Variants in FHAD1 observed in about 807,000 individuals in gnomAD.
FHAD1 encodes forkhead-associated domain-containing protein 1.
A neutral mutation model predicts 191.3 loss-of-function variants in FHAD1; 146 were observed. The observed-to-expected ratio is 0.76, with a 90% confidence interval of 0.67 to 0.88. The LOEUF is 0.88. Ranked by LOEUF, FHAD1 falls within the 40% of genes least tolerant of loss-of-function variation. The pLI, the probability that FHAD1 is intolerant of heterozygous loss-of-function variation, is 0.00. For synonymous variants in FHAD1, 616 were observed against 672.3 expected, an observed-to-expected ratio of 0.92 and a Z score of 1.29; for missense variants, 1,635 against 1,785.8, an observed-to-expected ratio of 0.92 and a Z score of 1.52.
rs753958413 is a variant in FHAD1, at chr1:15,325,009, G to A, written c.1473+450G>A. The A allele has an allele frequency of 2.3e-5, 4 of 171,256 alleles. No individual in the cohort carries two copies. The highest frequency in any genetic ancestry group is 1.5e-4 in the South Asian group (1 of 6,786). The allele number at this position is 171,256 out of a possible 1,614,324, so 10.6% of individuals were successfully genotyped here. On this transcript the variant is annotated intron_variant, in intron 11 of 33. Transcript: ENST00000688493. The surrounding 1 kb of genome is among the most constrained non-coding windows in gnomAD (Gnocchi z 4.6). ...TAAAACCCTGGAGTGTCCAAAGTGC[G>A]TGCTGGATGGAGAAGCTCCCGGCTG...
intron 3 of FHAD1, among the ~76,000 whole-genome samples, chr1:15,279,047 A>C (rs542716486): frequency 6.6e-6 from 1 of 152,234 alleles, no homozygotes; most frequent in South Asian, 2.1e-4. Context: ...ATTTGTTCCA[A>C]ATTTCTCCAC....
At chr1:15,375,326 G>A (rs955972595) in intron 27 of FHAD1, among the ~76,000 whole-genome samples, 1 of 152,114 alleles carries the variant, frequency 6.6e-6, no homozygotes, top group Non-Finnish European at 1.5e-5. Flanking sequence ...TGGAAGCCTG[G>A]GTTCAAGTTC....
Position 15,247,320 on chromosome 1 carries a change from C to T in FHAD1, c.-90C>T. The T allele has an allele frequency of 4.5e-6, 1 of 221,870 alleles. No homozygotes were observed. Among genetic ancestry groups the T allele is most frequent in the South Asian group, 3.7e-5 (1 of 26,902 alleles). 13.7% of individuals were successfully genotyped at this position (221,870 alleles called of 1,614,324 possible). A position where few individuals can be genotyped will look rare whatever the true frequency, so the allele number is the denominator to read the frequency against. On this transcript the variant is annotated 5_prime_UTR_variant, in exon 1 of 34. Coordinates refer to ENST00000688493, the MANE Select transcript of FHAD1 (RefSeq NM_001391957.1). ...GGAGCGCGGCCGGGAGGCTTCGCCC[C>T]GGAGCTGGCCCGACGCCTCCCGAGC...
chr1:15,264,867 G>C (rs1264972913), intron 2 of FHAD1, among the ~76,000 whole-genome samples: 1 of 151,700 alleles, frequency 6.6e-6, no homozygotes, highest in Non-Finnish European at 1.5e-5. Context: ...GTATTTTTTT[G>C]TGTTTTCATC....
Position 15,352,795 on chromosome 1 carries a change from C to T in FHAD1, c.2455-82C>T, listed in dbSNP as rs149179704. The T allele has an allele frequency of 2.5e-4, 258 of 1,033,378 alleles. 1 individual carries two copies. In the East Asian group the frequency reaches 5.6e-3, roughly 22 times the overall value. 64.0% of individuals were successfully genotyped at this position (1,033,378 alleles called of 1,614,324 possible). On this transcript the variant is annotated intron_variant, in intron 19 of 33. Transcript: ENST00000688493. Reference sequence around the variant, plus strand: ...TCCAACCCTGACTTGGTGGCTTCCACGGTGACTCGTCCTGGTTTCCCTTTC... The same window carrying T: ...TCCAACCCTGACTTGGTGGCTTCCATGGTGACTCGTCCTGGTTTCCCTTTC...
chr1:15,367,890 C>A (rs1296962475), intron 25 of FHAD1, among the ~76,000 whole-genome samples: 1 of 152,182 alleles, frequency 6.6e-6, no homozygotes, highest in Admixed American at 6.5e-5. Flanking sequence ...TGTGCTTGGG[C>A]TCCCTCAGCC....
At chr1:15,348,554 G>A (rs927388082) in intron 18 of FHAD1, among the ~76,000 whole-genome samples, 18 of 152,264 alleles carry the variant, frequency 1.2e-4, no homozygotes, top group South Asian at 4.1e-4. Flanking sequence ...TTGGTGTATC[G>A]TGGCTCATTA....
chr1:15,360,672 C>T lies in FHAD1; in HGVS notation c.2931C>T (p.Gly977=), dbSNP rs767044949. 21 of 1,551,538 alleles carry T rather than the reference C, an allele frequency of 1.4e-5. No homozygotes were observed. Among genetic ancestry groups the T allele is most frequent in the African/African-American group, 2.7e-5 (2 of 72,986 alleles). ...CTCAGCACCATAAAAAAATAGAAGG[C>T]GAGATTGCAACATTGAAGGACAATG... is the stretch of plus-strand genomic sequence containing the variant. ...KVTQHHKKIE[G]EIATLKDNDP... Residue 977 remains glycine (G), a synonymous_variant, in exon 22 of 34, where the codon GGC becomes GGT. Coordinates refer to ENST00000688493, the MANE Select transcript of FHAD1 (RefSeq NM_001391957.1).
chr1:15,258,851 G>T (rs1300666779), intron 2 of FHAD1, among the ~76,000 whole-genome samples: 2 of 152,070 alleles, frequency 1.3e-5, no homozygotes, highest in Non-Finnish European at 2.9e-5. Flanking sequence ...GCCTCCTAAA[G>T]TGCTGTAATT....
At chr1:15,375,032 T>C (rs2102898367) in intron 27 of FHAD1, among the ~76,000 whole-genome samples, 1 of 151,870 alleles carries the variant, frequency 6.6e-6, no homozygotes, top group South Asian at 2.1e-4. Flanking sequence ...CCAATTTTTA[T>C]ATTTTAGTAG....
At chr1:15,271,140 G>A (rs1367333991) in intron 2 of FHAD1, among the ~76,000 whole-genome samples, 1,099 of 76,672 alleles carry the variant, frequency 0.014, 112 homozygotes, top group East Asian at 0.053. Flanking sequence ...CTCCATCTCG[G>A]AAAAAAAAAA....
chr1:15,263,677 A>G lies in FHAD1; in HGVS notation c.94-8646A>G, dbSNP rs1315000465. On this transcript the variant is annotated intron_variant, in intron 2 of 33. Transcript: ENST00000688493. ...GCTGGGACTACAGGCACCTGCCACCACGCCCAACTAATTTTTTGTATTTTT... is the reference window on the plus strand; with the variant it reads ...GCTGGGACTACAGGCACCTGCCACCGCGCCCAACTAATTTTTTGTATTTTT... Among the ~76,000 whole-genome samples, 5 of 151,398 alleles carry G rather than the reference A, an allele frequency of 3.3e-5. No individual in the cohort carries two copies. The East Asian group carries it at 9.7e-4, about 29-fold the overall frequency.
intron 19 of FHAD1, among the ~76,000 whole-genome samples, chr1:15,349,621 C>A (rs1244790349): frequency 6.6e-6 from 1 of 152,220 alleles, no homozygotes; most frequent in Non-Finnish European, 1.5e-5. Flanking sequence ...GTCATGGACT[C>A]CGGAGCAGGC....
intron 8 of FHAD1, among the ~76,000 whole-genome samples, chr1:15,315,738 G>A (rs899257598): frequency 7.2e-5 from 11 of 152,008 alleles, no homozygotes; most frequent in Middle Eastern, 6.8e-3. Flanking sequence ...TGCCCACCTC[G>A]GCCTCCCAAA....
intron 32 of FHAD1, among the ~76,000 whole-genome samples, chr1:15,390,171 C>T (rs1447407730): frequency 6.6e-6 from 1 of 151,964 alleles, no homozygotes; most frequent in Non-Finnish European, 1.5e-5. Context: ...CATGGTGAAA[C>T]CTCATCGCTA....
At chr1:15,324,131 T>C (rs1178532249) in intron 10 of FHAD1, among the ~76,000 whole-genome samples, 1 of 152,150 alleles carries the variant, frequency 6.6e-6, no homozygotes, top group Non-Finnish European at 1.5e-5. Context: ...ATCACCCCAT[T>C]TGACAGATAA....
chr1:15,306,418 G>A (rs1459474213), intron 6 of FHAD1, among the ~76,000 whole-genome samples: 2 of 152,228 alleles, frequency 1.3e-5, no homozygotes, highest in Non-Finnish European at 2.9e-5. Flanking sequence ...CAAGCCAGCT[G>A]CAGAAATTTG....
chr1:15,257,431 C>G (rs1648747304), intron 2 of FHAD1, among the ~76,000 whole-genome samples: 1 of 152,240 alleles, frequency 6.6e-6, no homozygotes. Context: ...GATAAAGATG[C>G]TCACCCCTCC....
At chr1:15,361,611 T>C (rs1216833967) in intron 22 of FHAD1, among the ~76,000 whole-genome samples, 2 of 152,058 alleles carry the variant, frequency 1.3e-5, no homozygotes, top group East Asian at 1.9e-4. Flanking sequence ...AACAAAATTA[T>C]TGCCCTGACA....
Sources: gnomAD v4.1 joint callset for allele counts (sites outside exome capture counted in the v4.1 genomes callset) on GRCh38, gnomAD v4.1.1 for gene constraint, Gnocchi (gnomAD v3.1) non-coding constraint, MANE v1.5 for transcripts, NCBI Gene and HGNC (gene_info 2026-07-23, HGNC 2026-07-21) for gene names.